CRYBB2: variants seen among roughly 807,000 people sequenced by gnomAD.
The protein encoded by CRYBB2 is crystallin beta B2.
In CRYBB2, 12 loss-of-function variants were observed where a neutral mutation model predicts 24.3. That is an observed-to-expected ratio of 0.49 (90% CI 0.32 to 0.80). The LOEUF is 0.80. Ranked by LOEUF, CRYBB2 falls within the 30% of genes least tolerant of loss-of-function variation. CRYBB2 has a pLI of 0.04. For synonymous variants in CRYBB2, 98 were observed against 101.6 expected (o/e 0.96, Z 0.21); for missense variants, 198 against 268.5 (o/e 0.74, Z 1.83).
At chr22:25,228,068 G>C in intron 4 of CRYBB2, 83 bp downstream of exon 4, 1 of 1,601,362 alleles carries the variant, frequency 6.2e-7, no homozygotes, top group Non-Finnish European at 8.5e-7. Flanking sequence ...CTGGAGGTCT[G>C]GGGACCAGGA....
chr22:25,229,033 T>TGC (rs1426388441), intron 4 of CRYBB2, among the ~76,000 whole-genome samples: 15 of 146,414 alleles, frequency 1.0e-4, no homozygotes, highest in Non-Finnish European at 1.7e-4. Flanking sequence ...CGTGTGTGCG[T>TGC]GCGTGTGTGC....
intron 4 of CRYBB2, among the ~76,000 whole-genome samples, chr22:25,229,113 A>G (rs1432683190): frequency 1.6e-4 from 25 of 151,850 alleles, no homozygotes; most frequent in Admixed American, 1.1e-3. Flanking sequence ...GTGTGTGTGC[A>G]TGTGTGGGTG....
chr22:25,231,168 C>G (rs1011172730), intron 5 of CRYBB2, among the ~76,000 whole-genome samples: 4 of 152,152 alleles, frequency 2.6e-5, no homozygotes, highest in African/African-American at 7.2e-5. Flanking sequence ...CCCCTGGAAA[C>G]TCTTTCATCA....
At chr22:25,216,863 A>C (rs1935176382), upstream of CRYBB2, among the ~76,000 whole-genome samples, 1 of 152,186 alleles carries the variant, frequency 6.6e-6, no homozygotes, top group South Asian at 2.1e-4. Flanking sequence ...AACTTATGTA[A>C]GTGGAATCAT....
Position 25,227,933 on chromosome 22 carries a change from G to T in CRYBB2, c.254G>T (p.Trp85Leu), listed in dbSNP as rs1935450863. The T allele has an allele frequency of 6.2e-7, 1 of 1,614,156 alleles. No homozygotes were observed. The highest frequency in any genetic ancestry group is 8.5e-7 in the Non-Finnish European group (1 of 1,180,026). ...GGTGAGTACCCCCGCTGGGACTCAT[G>T]GACCAGCAGCCGAAGGACGGACTCC... is the stretch of plus-strand genomic sequence containing the variant. ...EKGEYPRWDS[W>L]TSSRRTDSLS... Residue 85 changes from tryptophan to leucine, a missense_variant, in exon 4 of 6, where the codon TGG becomes TTG. Physicochemically the swap from Trp to Leu is moderately conservative, Grantham distance 61. Coordinates refer to ENST00000398215, the MANE Select transcript of CRYBB2 (RefSeq NM_000496.3).
rs146090932 is a variant in CRYBB2, at chr22:25,227,952, G to A, written c.273G>A (p.Thr91=). The A allele has an allele frequency of 2.2e-4, 348 of 1,614,116 alleles. 1 individual carries two copies. The African/African-American group carries it at 4.0e-3, about 18-fold the overall frequency. ...RWDSWTSSRR[T]DSLSSLRPIK... is the part of the protein sequence containing the mutation. Reference sequence around the variant, plus strand: ...ACTCATGGACCAGCAGCCGAAGGACGGACTCCCTCAGCTCCCTGAGGCCCA... The same window carrying A: ...ACTCATGGACCAGCAGCCGAAGGACAGACTCCCTCAGCTCCCTGAGGCCCA... Residue 91 remains threonine (T), a synonymous_variant, in exon 4 of 6, where the codon ACG becomes ACA. Coordinates refer to ENST00000398215, the MANE Select transcript of CRYBB2 (RefSeq NM_000496.3).
intron 5 of CRYBB2, 48 bp from the exon 6 acceptor site, chr22:25,231,556 C>T (rs1935532682): frequency 6.3e-7 from 1 of 1,579,950 alleles, no homozygotes; most frequent in Admixed American, 1.7e-5. Flanking sequence ...CTGTCTGCTT[C>T]TCTTCCTGTC....
At chr22:25,223,495 C>T (rs1569018915) in intron 2 of CRYBB2, among the ~76,000 whole-genome samples, 1 of 152,118 alleles carries the variant, frequency 6.6e-6, no homozygotes, top group Non-Finnish European at 1.5e-5. Context: ...TATTGAATTG[C>T]TTTTTAGGTT....
intron 2 of CRYBB2, among the ~76,000 whole-genome samples, chr22:25,223,051 A>C (rs967523649): frequency 6.6e-6 from 1 of 151,982 alleles, no homozygotes; most frequent in Non-Finnish European, 1.5e-5. Context: ...TTTGCCCTCT[A>C]CTCTATTGAT....
chr22:25,220,906 G>T (rs1935308665), intron 1 of CRYBB2, among the ~76,000 whole-genome samples: 1 of 152,218 alleles, frequency 6.6e-6, no homozygotes, highest in Admixed American at 6.5e-5. Flanking sequence ...CCAGGATGGG[G>T]AGAGGAGTCC....
chr22:25,224,254 C>T (rs967127906), intron 2 of CRYBB2, among the ~76,000 whole-genome samples: 3 of 152,092 alleles, frequency 2.0e-5, no homozygotes, highest in Non-Finnish European at 2.9e-5. Flanking sequence ...ATGGGGATCC[C>T]ATGAGCCCCC....
chr22:25,218,784 AAG>A (rs1935254198), upstream of CRYBB2, among the ~76,000 whole-genome samples: 12 of 68,850 alleles, frequency 1.7e-4, no homozygotes, highest in African/African-American at 6.6e-4. Context: ...AGAGAGAAGA[AAG>A]AAAGAAAGAA....
chr22:25,218,766 AG>A (rs576385858), upstream of CRYBB2, among the ~76,000 whole-genome samples: 28 of 30,252 alleles, frequency 9.3e-4, no homozygotes, highest in East Asian at 4.0e-3. Flanking sequence ...AGAGAGAGAG[AG>A]AGAGAGAGAG....
At chr22:25,228,145 G>A (rs1370647109) in intron 4 of CRYBB2, among the ~76,000 whole-genome samples, 160 bp downstream of exon 4, 3 of 151,336 alleles carry the variant, frequency 2.0e-5, no homozygotes, top group Non-Finnish European at 4.4e-5. Flanking sequence ...GGGTGACCTT[G>A]CAAAAGTCAT....
chr22:25,226,499 A>G (rs564312631), intron 3 of CRYBB2, among the ~76,000 whole-genome samples: 1 of 152,288 alleles, frequency 6.6e-6, no homozygotes, highest in South Asian at 2.1e-4. Context: ...GAGAACCCAC[A>G]TCCTATGTCA....
chr22:25,215,430 T>C (rs1935157084), upstream of CRYBB2, among the ~76,000 whole-genome samples: 1 of 152,262 alleles, frequency 6.6e-6, no homozygotes, highest in South Asian at 2.1e-4. Flanking sequence ...GAAACAATGC[T>C]TATCACTGGC....
chr22:25,227,830 C>G lies in CRYBB2; in HGVS notation c.174-23C>G, dbSNP rs199759009. On this transcript the variant is annotated intron_variant, in intron 3 of 5. Coordinates refer to ENST00000398215, the MANE Select transcript of CRYBB2 (RefSeq NM_000496.3). ...GCTTGGAGTGGAACTGACCTGCCCC[C>G]TTTCTCTCTGTCTCCATGGCAGCTG... 5.4e-4 allele frequency: 876 copies of G among 1,613,994 alleles called. 6 individuals are homozygous for G. In the African/African-American group the frequency reaches 0.011, roughly 20 times the overall value.
At position 25,221,415 on chromosome 22, in the gene CRYBB2, ACAGGACAGT is replaced by A. The variant is rs776979601; in HGVS notation, c.-13_-5del. 10 of 1,612,478 alleles carry A rather than the reference ACAGGACAGT, an allele frequency of 6.2e-6. No homozygotes were observed. The African/African-American group carries it at 1.2e-4, about 19-fold the overall frequency. ...CCCATGTCTTCCAGGTCATTCCTGC[ACAGGACAGT>A]CCACCATGGCCTCAGATCACCAGAC... On this transcript the variant is annotated 5_prime_UTR_variant, in exon 2 of 6. Coordinates refer to ENST00000398215, the MANE Select transcript of CRYBB2 (RefSeq NM_000496.3).
exon 1 of CRYBB2, chr22:25,212,660 C>T (rs1219411756): frequency 1.3e-5 from 2 of 152,178 alleles, no homozygotes; most frequent in African/African-American, 2.4e-5. Flanking sequence ...TACAATGTTG[C>T]TGTGTGAGGG....
Sources: allele counts gnomAD v4.1 joint callset (sites outside exome capture counted in the v4.1 genomes callset), GRCh38; gene constraint gnomAD v4.1.1; transcripts MANE v1.5; gene names NCBI Gene and HGNC (gene_info 2026-07-23, HGNC 2026-07-21).